The following SPC25 variants were observed in gnomAD, a reference collection of about 807,000 sequenced individuals.
SPC25 encodes kinetochore protein Spc25.
A neutral mutation model predicts 29.6 loss-of-function variants in SPC25; 22 were observed. That is an observed-to-expected ratio of 0.74 (90% CI 0.53 to 1.06). SPC25 has a LOEUF of 1.06. Among genes scored for constraint, SPC25 ranks in the 50% least tolerant of loss-of-function variants. The probability of loss-of-function intolerance (pLI) is 0.00; values close to 1 mark genes in which losing one functional copy is unlikely to be tolerated. For missense variants in SPC25, 230 were observed against 255.8 expected, an observed-to-expected ratio of 0.90 and a Z score of 0.69; for synonymous variants, 91 against 90.4, an observed-to-expected ratio of 1.01 and a Z score of -0.04.
chr2:168,863,321 T>A, intron 4 of SPC25: 1 of 805,720 alleles, frequency 1.2e-6, no homozygotes, highest in Non-Finnish European at 1.5e-6. Context: ...TAGTGATTTA[T>A]GACTAAGAAA....
At chr2:168,865,834 A>C (rs1261064320) in intron 4 of SPC25, among the ~76,000 whole-genome samples, 1 of 152,214 alleles carries the variant, frequency 6.6e-6, no homozygotes, top group Non-Finnish European at 1.5e-5. Context: ...AATAACAGAC[A>C]AACAGAGAGC....
intron 4 of SPC25, among the ~76,000 whole-genome samples, chr2:168,862,845 G>T (rs1689552429): frequency 2.6e-5 from 4 of 152,174 alleles, no homozygotes; most frequent in Admixed American, 2.6e-4. Context: ...AAAGAGTAAC[G>T]TTATGGGAGA....
At chr2:168,864,745 G>C (rs748633996) in intron 4 of SPC25, 46 of 1,474,326 alleles carry the variant, frequency 3.1e-5, no homozygotes, top group Non-Finnish European at 4.2e-5. Context: ...GTAAATCCTT[G>C]AAGCAGAACC....
chr2:168,873,783 G>T, intron 5 of SPC25, 100 bp from the exon 6 acceptor site: 1 of 644,308 alleles, frequency 1.6e-6, no homozygotes, highest in Non-Finnish European at 2.7e-6. Flanking sequence ...AGTATATACA[G>T]TCATGTAACC....
chr2:168,873,350 C>T (rs556491329), intron 6 of SPC25, among the ~76,000 whole-genome samples: 1 of 152,264 alleles, frequency 6.6e-6, no homozygotes, highest in South Asian at 2.1e-4. Flanking sequence ...ATTGTTCAGA[C>T]ACTGTGGCAC....
At position 168,863,308 on chromosome 2, in the gene SPC25, G is replaced by A. The variant is rs1039311815; in HGVS notation, n.419+10277C>T. ...AGAGACCGAGAATAATGTCCTTTAA[G>A]AATAGTGATTTATGACTAAGAAAAT... On this transcript the variant is annotated intron_variant and non_coding_transcript_variant, in intron 4 of 4. Transcript: ENST00000479309. 1.0e-5 allele frequency: 7 copies of A among 679,312 alleles called. No homozygotes were observed. The African/African-American group carries it at 1.4e-4, about 13-fold the overall frequency. 42.1% of individuals were successfully genotyped at this position (679,312 alleles called of 1,614,324 possible).
intron 5 of SPC25, among the ~76,000 whole-genome samples, chr2:168,874,746 T>C (rs1397260951): frequency 6.6e-6 from 1 of 152,098 alleles, no homozygotes; most frequent in Non-Finnish European, 1.5e-5. Flanking sequence ...AGCTTCCTGG[T>C]AGACAACACT....
Position 168,871,283 on chromosome 2 carries a change from A to G in SPC25, c.*148T>C. 1 of 663,490 alleles carries G rather than the reference A, an allele frequency of 1.5e-6. No individual in the cohort carries two copies. The highest frequency in any genetic ancestry group is 3.3e-5 in the East Asian group (1 of 30,276). The allele number at this position is 663,490 out of a possible 1,614,324, so 41.1% of individuals were successfully genotyped here. On this transcript the variant is annotated 3_prime_UTR_variant, in exon 7 of 7. Coordinates refer to ENST00000282074, the MANE Select transcript of SPC25 (RefSeq NM_020675.4). The stretch of plus-strand genomic sequence containing the variant: ...GACGAGTTAATGGGTGCAGCACACC[A>G]ATATGGCACATGTATACATATGTAA...
chr2:168,863,720 T>A, intron 4 of SPC25: 1 of 908,432 alleles, frequency 1.1e-6, no homozygotes. Context: ...TGCAGAGACA[T>A]TGTCTTGATC....
intron 3 of SPC25, among the ~76,000 whole-genome samples, chr2:168,880,216 A>G (rs895481217): frequency 6.6e-6 from 1 of 152,208 alleles, no homozygotes; most frequent in Admixed American, 6.5e-5. Flanking sequence ...TCTTCTTCCA[A>G]TAGAAAACTG....
chr2:168,868,464 C>G (rs1243330445), downstream of SPC25, among the ~76,000 whole-genome samples: 1 of 151,924 alleles, frequency 6.6e-6, no homozygotes, highest in African/African-American at 2.4e-5. Context: ...GCTAGCAAGA[C>G]TAATTAAGAA....
rs1690082433 is a variant in SPC25, at chr2:168,876,124, T to C, written c.399A>G (p.Lys133=). The C allele has an allele frequency of 1.3e-6, 2 of 1,569,160 alleles. No individual in the cohort carries two copies. Among genetic ancestry groups the C allele is most frequent in the Non-Finnish European group, 8.6e-7 (1 of 1,165,386 alleles). ...ANAERLKRLQ[K]SADLYKDRLG... is the part of the protein sequence containing the mutation. ...GTCGATCTTTATACAAGTCTGCAGA[T>C]TTCTGCAGCCTTTTCAACCTCTCTG... The change falls in exon 5 of 7, where the codon AAA becomes AAG. Residue 133 remains lysine, a synonymous_variant. Coordinates refer to ENST00000282074, the MANE Select transcript of SPC25 (RefSeq NM_020675.4).
chr2:168,869,109 A>T (rs1035130364), downstream of SPC25, among the ~76,000 whole-genome samples: 2 of 152,244 alleles, frequency 1.3e-5, no homozygotes, highest in Non-Finnish European at 2.9e-5. Context: ...CAAAAACCAC[A>T]TAATTATCTC....
intron 3 of SPC25, among the ~76,000 whole-genome samples, chr2:168,885,587 C>G (rs1288273351): frequency 6.6e-6 from 1 of 152,202 alleles, no homozygotes; most frequent in Non-Finnish European, 1.5e-5. Context: ...CCAGCCACTT[C>G]TCCACCACTC....
intron 3 of SPC25, among the ~76,000 whole-genome samples, chr2:168,881,902 G>C (rs1360404226): frequency 1.3e-5 from 2 of 152,152 alleles, no homozygotes; most frequent in Admixed American, 1.3e-4. Flanking sequence ...AGTGAGCATG[G>C]AATTCTCAGT....
At chr2:168,882,156 AAATGAAATATC>A (rs1187177740) in intron 3 of SPC25, among the ~76,000 whole-genome samples, 1 of 152,252 alleles carries the variant, frequency 6.6e-6, no homozygotes, top group Admixed American at 6.5e-5. Flanking sequence ...TTAATATGAT[AAATGAAATATC>A]AAATCAATGT....
At chr2:168,887,522 G>A (rs182861381) in intron 3 of SPC25, among the ~76,000 whole-genome samples, 2 of 152,224 alleles carry the variant, frequency 1.3e-5, no homozygotes, top group Admixed American at 1.3e-4. Flanking sequence ...TGCCTTCATG[G>A]GCCACACAAT....
chr2:168,862,498 A>G (rs1243706702), intron 4 of SPC25, among the ~76,000 whole-genome samples: 1 of 152,042 alleles, frequency 6.6e-6, no homozygotes, highest in Non-Finnish European at 1.5e-5. Flanking sequence ...ATTTTTTAGA[A>G]GCTAGACATT....
At chr2:168,875,474 CTAA>C (rs373328528) in intron 5 of SPC25, among the ~76,000 whole-genome samples, 10 of 152,180 alleles carry the variant, frequency 6.6e-5, no homozygotes, top group African/African-American at 2.4e-4. Flanking sequence ...TTAACAACAA[CTAA>C]TAATAAAACA....
Sources: gnomAD v4.1 joint callset for allele counts (sites outside exome capture counted in the v4.1 genomes callset) on GRCh38, gnomAD v4.1.1 for gene constraint, MANE v1.5 for transcripts, NCBI Gene and HGNC (gene_info 2026-07-23, HGNC 2026-07-21) for gene names.